Variants in TMEM245 observed in about 807,000 individuals in gnomAD.
The protein encoded by TMEM245 is protein CG-2.
Under a neutral mutation model 101.2 loss-of-function variants are expected in TMEM245, and 69 were observed. The observed-to-expected ratio is 0.68, with a 90% CI of 0.56 to 0.83. The LOEUF (loss-of-function observed/expected upper bound fraction) is 0.83, where lower values mean the gene tolerates loss of function less well. Among genes scored for constraint, TMEM245 ranks in the 40% least tolerant of loss-of-function variants. The pLI is 0.00. For missense variants in TMEM245, 1,075 were observed against 1,092.8 expected (o/e 0.98, Z 0.23); for synonymous variants, 537 against 449.8 (o/e 1.19, Z -2.45).
chr9:109,034,866 A>G (rs1474873056), intron 16 of TMEM245, among the ~76,000 whole-genome samples: 1 of 152,160 alleles, frequency 6.6e-6, no homozygotes, highest in African/African-American at 2.4e-5. Flanking sequence ...GTTTAAAGAC[A>G]GTATTTTAGG....
At chr9:109,071,620 T>A (rs540497065) in intron 9 of TMEM245, among the ~76,000 whole-genome samples, 57 of 143,302 alleles carry the variant, frequency 4.0e-4, no homozygotes, top group South Asian at 3.7e-3. Context: ...AAAAAAAAAA[T>A]TTTATTCTAA....
At chr9:109,090,896 G>C in intron 5 of TMEM245, 26 bp downstream of exon 5, 5 of 1,593,258 alleles carry the variant, frequency 3.1e-6, no homozygotes, top group Admixed American at 1.7e-5. Flanking sequence ...AAGACAAGAC[G>C]AGATCGTACT....
At chr9:109,072,610 G>A (rs1448085964) in intron 9 of TMEM245, among the ~76,000 whole-genome samples, 1 of 152,204 alleles carries the variant, frequency 6.6e-6, no homozygotes, top group Non-Finnish European at 1.5e-5. Context: ...CCCTACGGGT[G>A]GTGTTGAGGC....
rs1295236437 is a variant in TMEM245 at position 109,019,793 on chromosome 9, G to C, written c.*667C>G. 2 of 152,484 alleles carry C rather than the reference G, an allele frequency of 1.3e-5. No homozygotes were observed. Among genetic ancestry groups the C allele is most frequent in the Non-Finnish European group, 2.9e-5 (2 of 68,042 alleles). The allele number at this position is 152,484 out of a possible 1,614,324, so 9.4% of individuals were successfully genotyped here. ...CGTGGTCAGCCAAGTTTTATAATTT[G>C]GCAATAGTGTAAAGAAGCGTGAAGA... is the stretch of plus-strand genomic sequence containing the variant. On this transcript the variant is annotated 3_prime_UTR_variant, in exon 18 of 18. Coordinates refer to ENST00000374586, the MANE Select transcript of TMEM245 (RefSeq NM_032012.4).
At position 109,044,670 on chromosome 9, in the gene TMEM245, T is replaced by C. The variant is rs543907994; in HGVS notation, c.2123+5613A>G. ...CCCTTGACTGCTCTCTACATATTTATGGGGTACATAATAATGTTTCAATAC... is the reference window on the plus strand; with the variant it reads ...CCCTTGACTGCTCTCTACATATTTACGGGGTACATAATAATGTTTCAATAC... On this transcript the variant is annotated intron_variant, in intron 14 of 17. Transcript: ENST00000374586. Among the ~76,000 whole-genome samples the C allele has an allele frequency of 1.2e-4, 18 of 152,190 alleles. No individual in the cohort carries two copies. In the East Asian group the frequency reaches 3.3e-3, roughly 28 times the overall value.
intron 12 of TMEM245, among the ~76,000 whole-genome samples, chr9:109,051,545 T>C (rs1828686061): frequency 6.6e-6 from 1 of 152,148 alleles, no homozygotes; most frequent in Non-Finnish European, 1.5e-5. Flanking sequence ...CTATAAACCT[T>C]TGTAGCGTGT....
chr9:109,044,520 TC>T (rs1161645660), intron 14 of TMEM245, among the ~76,000 whole-genome samples: 4 of 152,160 alleles, frequency 2.6e-5, no homozygotes, highest in African/African-American at 9.7e-5. Context: ...TCATTCCCCT[TC>T]CCAGTATTCT....
intron 1 of TMEM245, among the ~76,000 whole-genome samples, 186 bp from the exon 2 acceptor site, chr9:109,108,756 C>T (rs1243524146): frequency 6.6e-6 from 1 of 152,114 alleles, no homozygotes; most frequent in Non-Finnish European, 1.5e-5. Context: ...TTTTGAAATA[C>T]TAGGCATTTG....
chr9:109,030,259 T>C (rs1315273246), intron 17 of TMEM245, among the ~76,000 whole-genome samples: 4 of 149,646 alleles, frequency 2.7e-5, no homozygotes, highest in African/African-American at 9.9e-5. Context: ...TTATTGTCCT[T>C]ATTTTTCACT....
intron 5 of TMEM245, among the ~76,000 whole-genome samples, chr9:109,090,576 T>C (rs1829969172): frequency 6.6e-6 from 1 of 151,624 alleles, no homozygotes; most frequent in Non-Finnish European, 1.5e-5. Flanking sequence ...AAAAAAAAAT[T>C]AGCCGGGTGT....
intron 7 of TMEM245, among the ~76,000 whole-genome samples, chr9:109,084,282 T>C (rs1035265543): frequency 2.0e-5 from 3 of 152,144 alleles, no homozygotes; most frequent in African/African-American, 7.2e-5. Flanking sequence ...AAAATAGTTC[T>C]CAACTTATGT....
chr9:109,065,844 C>T (rs1829151919), intron 9 of TMEM245, among the ~76,000 whole-genome samples: 1 of 152,002 alleles, frequency 6.6e-6, no homozygotes, highest in African/African-American at 2.4e-5. Flanking sequence ...CCCAAAATGA[C>T]ACATCCTACA....
At position 109,088,056 on chromosome 9, in the gene TMEM245, G is replaced by A. The variant is rs535326425; in HGVS notation, c.1151-714C>T. 7.9e-5 allele frequency among the ~76,000 whole-genome samples: 12 copies of A among 152,326 alleles called. No homozygotes were observed. The Middle Eastern group carries it at 0.014, about 173-fold the overall frequency. On this transcript the variant is annotated intron_variant, in intron 5 of 17. Transcript: ENST00000374586. ...TAAGCAGAGGTTAAGCTTCCTGTTA[G>A]AAGCCAATTAAGAAGGTGGTAGGGC...
intron 12 of TMEM245, among the ~76,000 whole-genome samples, chr9:109,056,465 AATT>A (rs1828840414): frequency 6.7e-6 from 1 of 149,866 alleles, no homozygotes; most frequent in African/African-American, 2.5e-5. Flanking sequence ...AAAAAAAAAA[AATT>A]AGCTGGGTGT....
chr9:109,066,079 T>A (rs1375624364), intron 9 of TMEM245, among the ~76,000 whole-genome samples: 1 of 152,196 alleles, frequency 6.6e-6, no homozygotes, highest in African/African-American at 2.4e-5. Flanking sequence ...GTGGGTTGAA[T>A]CTTAAGTATT....
chr9:109,090,444 C>T (rs1197722303), intron 5 of TMEM245, among the ~76,000 whole-genome samples: 1 of 151,414 alleles, frequency 6.6e-6, no homozygotes, highest in Admixed American at 6.6e-5. Flanking sequence ...AAATACTGGC[C>T]GGGCGCGGTG....
chr9:109,017,657 G>A lies in TMEM245; in HGVS notation c.*2803C>T, dbSNP rs537115742. ...ATATTATGACCAAGTTCTGTACTCCGTTTTTACTGAAATGACTTCTACTTC... is the reference window on the plus strand; with the variant it reads ...ATATTATGACCAAGTTCTGTACTCCATTTTTACTGAAATGACTTCTACTTC... On this transcript the variant is annotated 3_prime_UTR_variant, in exon 18 of 18. Coordinates refer to ENST00000374586, the MANE Select transcript of TMEM245 (RefSeq NM_032012.4). 1.3e-5 allele frequency: 2 copies of A among 152,294 alleles called. No individual in the cohort carries two copies. Among genetic ancestry groups the A allele is most frequent in the South Asian group, 2.1e-4 (1 of 4,828 alleles). The allele number at this position is 152,294 out of a possible 1,614,324, so 9.4% of individuals were successfully genotyped here.
At chr9:109,053,242 A>G (rs1032325511) in intron 12 of TMEM245, among the ~76,000 whole-genome samples, 2 of 152,176 alleles carry the variant, frequency 1.3e-5, no homozygotes, top group African/African-American at 2.4e-5. Flanking sequence ...CCTGGCCAAC[A>G]TGGTGAAATC....
intron 14 of TMEM245, chr9:109,042,326 C>A (rs998384448): frequency 2.0e-5 from 3 of 152,028 alleles, no homozygotes; most frequent in Non-Finnish European, 4.4e-5. Flanking sequence ...CTGGATGCCA[C>A]ATTCTTTTTG....
Sources: gnomAD v4.1 joint callset for allele counts (sites outside exome capture counted in the v4.1 genomes callset) on GRCh38, gnomAD v4.1.1 for gene constraint, MANE v1.5 for transcripts, NCBI Gene and HGNC (gene_info 2026-07-23, HGNC 2026-07-21) for gene names.